Variants in MLIP observed in about 807,000 individuals in gnomAD.
MLIP encodes the protein muscular LMNA-interacting protein.
Under a neutral mutation model 84.8 loss-of-function variants are expected in MLIP, and 79 were observed. The ratio of observed to expected loss-of-function variants is 0.93; its 90% confidence interval spans 0.78 to 1.12. The LOEUF (loss-of-function observed/expected upper bound fraction) is 1.12, where lower values mean the gene tolerates loss of function less well. Ranked by LOEUF, MLIP falls within the 50% of genes most tolerant of loss-of-function variation. MLIP has a pLI of 0.00. For synonymous variants in MLIP, 504 were observed against 463.0 expected (o/e 1.09, Z -1.14); for missense variants, 1,257 against 1,160.6 (o/e 1.08, Z -1.21).
At chr6:54,235,310 C>T (rs1396127754) in intron 12 of MLIP, among the ~76,000 whole-genome samples, 1 of 152,164 alleles carries the variant, frequency 6.6e-6, no homozygotes, top group Non-Finnish European at 1.5e-5. Flanking sequence ...CATGCATTTT[C>T]CCATATAAAA....
chr6:54,216,914 G>T, intron 11 of MLIP: 1 of 985,170 alleles, frequency 1.0e-6, no homozygotes, highest in Non-Finnish European at 1.2e-6. Flanking sequence ...TAGATAAAGG[G>T]GTCGCTCTTT....
intron 4 of MLIP, among the ~76,000 whole-genome samples, chr6:54,148,467 G>C (rs1049412821): frequency 3.9e-5 from 6 of 152,152 alleles, no homozygotes; most frequent in African/African-American, 1.4e-4. Context: ...ATGAGTTTAA[G>C]ATCAAGAGTG....
chr6:54,117,421 A>G lies in MLIP; in HGVS notation c.97-4026A>G, dbSNP rs555209032. 3.3e-5 allele frequency among the ~76,000 whole-genome samples: 5 copies of G among 150,732 alleles called. No individual in the cohort carries two copies. In the East Asian group the frequency reaches 8.2e-4, roughly 25 times the overall value. ...AGTAGAGAAGGGGTTTCACTGTGTTAGCCAGGATGGTCTCGATCTCCTGAC... is the reference window on the plus strand; with the variant it reads ...AGTAGAGAAGGGGTTTCACTGTGTTGGCCAGGATGGTCTCGATCTCCTGAC... On this transcript the variant is annotated intron_variant, in intron 1 of 13. Transcript: ENST00000502396.
At chr6:54,019,511 T>TATA (rs1159410900) in intron 1 of MLIP, among the ~76,000 whole-genome samples, 7 of 152,304 alleles carry the variant, frequency 4.6e-5, no homozygotes, top group African/African-American at 1.7e-4. Context: ...TTTTATTAAG[T>TATA]TTAATGAACT....
intron 12 of MLIP, among the ~76,000 whole-genome samples, chr6:54,247,754 A>G (rs1029185326): frequency 2.6e-5 from 4 of 152,028 alleles, no homozygotes; most frequent in African/African-American, 9.7e-5. Context: ...CTGCCTGCCA[A>G]CCAACCACAT....
chr6:54,121,830 T>C (rs975322890), intron 2 of MLIP, among the ~76,000 whole-genome samples: 2 of 152,188 alleles, frequency 1.3e-5, no homozygotes, highest in Non-Finnish European at 2.9e-5. Context: ...TGTTTGCTAT[T>C]GACATGACAA....
At chr6:54,244,460 T>C (rs889171126) in intron 12 of MLIP, among the ~76,000 whole-genome samples, 2 of 152,204 alleles carry the variant, frequency 1.3e-5, no homozygotes, top group Non-Finnish European at 2.9e-5. Flanking sequence ...TTTAATTCAT[T>C]CACAAAGAAG....
intron 10 of MLIP, among the ~76,000 whole-genome samples, chr6:54,192,061 A>T (rs1054214324): frequency 3.4e-5 from 5 of 148,448 alleles, no homozygotes; most frequent in Non-Finnish European, 5.9e-5. Context: ...TGAATGTAAT[A>T]AAAAAAACTT....
intron 1 of MLIP, among the ~76,000 whole-genome samples, chr6:54,057,642 G>A (rs925188488): frequency 2.0e-5 from 3 of 152,232 alleles, no homozygotes; most frequent in East Asian, 1.9e-4. Flanking sequence ...GCTAGATCAC[G>A]TCCAGTCATG....
chr6:54,164,626 C>G (rs1462472764), intron 8 of MLIP, among the ~76,000 whole-genome samples: 1 of 151,952 alleles, frequency 6.6e-6, no homozygotes, highest in Non-Finnish European at 1.5e-5. Flanking sequence ...TATATACTTT[C>G]CTCCAATCCA....
At chr6:54,082,709 T>C (rs568610706) in intron 1 of MLIP, among the ~76,000 whole-genome samples, 165 of 152,336 alleles carry the variant, frequency 1.1e-3, no homozygotes, top group African/African-American at 3.7e-3. Flanking sequence ...TATTTCATTA[T>C]GATTTTGATT....
At chr6:54,220,426 A>G (rs1780142343) in intron 11 of MLIP, among the ~76,000 whole-genome samples, 1 of 152,202 alleles carries the variant, frequency 6.6e-6, no homozygotes, top group South Asian at 2.1e-4. Flanking sequence ...GAAAAAATGA[A>G]AAACCCAATT....
At chr6:54,125,513 A>G (rs3903931) in intron 3 of MLIP, among the ~76,000 whole-genome samples, 58,364 of 151,964 alleles carry the variant, frequency 0.38, 11,472 homozygotes, top group Admixed American at 0.47. Context: ...ACAATAGGAG[A>G]AGACCCACAT....
intron 1 of MLIP, among the ~76,000 whole-genome samples, chr6:54,073,905 G>A (rs1415272671): frequency 3.3e-5 from 5 of 152,116 alleles, no homozygotes; most frequent in African/African-American, 1.2e-4. Context: ...TTATTTTCAA[G>A]GCTTATCAGA....
intron 11 of MLIP, chr6:54,216,242 T>A: frequency 1.0e-6 from 1 of 985,374 alleles, no homozygotes; most frequent in East Asian, 1.1e-4. Context: ...AAGGGTCAAC[T>A]GAATATATTG....
intron 1 of MLIP, among the ~76,000 whole-genome samples, chr6:54,098,300 G>A (rs772167392): frequency 5.0e-4 from 75 of 149,754 alleles, no homozygotes; most frequent in Admixed American, 1.6e-3. Context: ...GACTACATGT[G>A]CATATCATGC....
At position 54,030,887 on chromosome 6, in the gene MLIP, G is replaced by A. The variant is rs192864420; in HGVS notation, c.63+11796G>A. On this transcript the variant is annotated intron_variant, in intron 1 of 12. Transcript: ENST00000274897. ...AATATTTAGTTTAATGATGTTTATTGCAATATTGTTTATAAAAGTAAAAAT... is the reference window on the plus strand; with the variant it reads ...AATATTTAGTTTAATGATGTTTATTACAATATTGTTTATAAAAGTAAAAAT... Among the ~76,000 whole-genome samples, 493 of 152,180 alleles carry A rather than the reference G, an allele frequency of 3.2e-3. 1 individual carries two copies. The highest frequency in any genetic ancestry group is 0.012 in the African/African-American group (482 of 41,512).
intron 11 of MLIP, among the ~76,000 whole-genome samples, chr6:54,227,594 G>C (rs1780668153): frequency 6.6e-6 from 1 of 151,998 alleles, no homozygotes; most frequent in Non-Finnish European, 1.5e-5. Flanking sequence ...CAGAGAGAGA[G>C]GACAACAAAA....
chr6:54,210,730 GAA>G lies in MLIP; in HGVS notation c.2718+8512_2718+8513del, dbSNP rs70980900. ...TTTACAATAAAGACTCCAACGGAGGGAAAAAAAAAAAAAAAATGTTCTAATGT... is the reference window on the plus strand; with the variant it reads ...TTTACAATAAAGACTCCAACGGAGGGAAAAAAAAAAAAAATGTTCTAATGT... On this transcript the variant is annotated intron_variant, in intron 11 of 13. Coordinates refer to ENST00000502396, the MANE Select transcript of MLIP (RefSeq NM_001281747.2). Among the ~76,000 whole-genome samples the G allele has an allele frequency of 3.4e-3, 447 of 131,238 alleles. 1 individual carries two copies. The highest frequency in any genetic ancestry group is 4.8e-3 in the South Asian group (18 of 3,786). 86.1% of individuals were successfully genotyped at this position (131,238 alleles called of 152,430 possible).
Sources: allele counts gnomAD v4.1 joint callset (sites outside exome capture counted in the v4.1 genomes callset), GRCh38; gene constraint gnomAD v4.1.1; transcripts MANE v1.5; gene names NCBI Gene and HGNC (gene_info 2026-07-23, HGNC 2026-07-21).